FER: variants seen among roughly 807,000 people sequenced by gnomAD.
FER encodes the protein FER tyrosine kinase.
Under a neutral mutation model 111.0 loss-of-function variants are expected in FER, and 63 were observed. The ratio of observed to expected loss-of-function variants is 0.57; its 90% CI spans 0.46 to 0.70. The LOEUF (loss-of-function observed/expected upper bound fraction) is 0.70, where lower values mean the gene tolerates loss of function less well. FER is among the 30% of genes least tolerant of loss of function. The pLI, the probability that FER is intolerant of heterozygous loss-of-function variation, is 0.00. For synonymous variants in FER, 327 were observed against 313.9 expected, an observed-to-expected ratio of 1.04 and a Z score of -0.44; for missense variants, 914 against 954.0, an observed-to-expected ratio of 0.96 and a Z score of 0.55.
At chr5:108,833,888 A>T (rs1048431769) in intron 4 of FER, among the ~76,000 whole-genome samples, 4 of 152,098 alleles carry the variant, frequency 2.6e-5, no homozygotes, top group African/African-American at 9.7e-5. Context: ...AAAAAAAAAA[A>T]ATGTAACTAC....
intron 3 of FER, among the ~76,000 whole-genome samples, chr5:108,816,348 C>T (rs756912616): frequency 6.6e-6 from 1 of 152,164 alleles, no homozygotes; most frequent in Non-Finnish European, 1.5e-5. Flanking sequence ...CACACTCATC[C>T]ACATGTGGCA....
chr5:108,749,541 C>T (rs1750213628), intron 1 of FER, among the ~76,000 whole-genome samples: 1 of 152,208 alleles, frequency 6.6e-6, no homozygotes, highest in South Asian at 2.1e-4. Context: ...CCATCCCTTC[C>T]TGCTTCTGGA....
intron 2 of FER, among the ~76,000 whole-genome samples, chr5:108,792,512 T>G (rs1363335925): frequency 6.6e-6 from 1 of 151,898 alleles, no homozygotes; most frequent in Admixed American, 6.6e-5. Flanking sequence ...TAATTTTGTA[T>G]TTTTAGTAGA....
chr5:108,906,762 A>G (rs1488470386), intron 10 of FER, among the ~76,000 whole-genome samples: 1 of 151,714 alleles, frequency 6.6e-6, no homozygotes, highest in Non-Finnish European at 1.5e-5. Context: ...TACTAAAATA[A>G]TATATATATA....
At chr5:108,965,539 C>T (rs1488772071) in intron 13 of FER, among the ~76,000 whole-genome samples, 1 of 152,032 alleles carries the variant, frequency 6.6e-6, no homozygotes, top group East Asian at 1.9e-4. Flanking sequence ...ATCTTTTCAA[C>T]AACTGTGAAT....
At chr5:108,958,173 AC>A (rs1202259007) in intron 12 of FER, among the ~76,000 whole-genome samples, 3 of 151,824 alleles carry the variant, frequency 2.0e-5, no homozygotes, top group Non-Finnish European at 4.4e-5. Context: ...AAATTTTGAT[AC>A]ATTCAATCTT....
At chr5:109,162,899 G>A (rs1256566020) in intron 17 of FER, among the ~76,000 whole-genome samples, 1 of 151,878 alleles carries the variant, frequency 6.6e-6, no homozygotes, top group Non-Finnish European at 1.5e-5. Flanking sequence ...CCAATTTTAA[G>A]GTACAGTTTG....
intron 11 of FER, among the ~76,000 whole-genome samples, chr5:108,946,685 A>G (rs1247587744): frequency 6.6e-6 from 1 of 152,074 alleles, no homozygotes; most frequent in Non-Finnish European, 1.5e-5. Context: ...TAGATTAATC[A>G]TTGAAATGTG....
At chr5:108,866,443 G>A (rs1764071035) in intron 5 of FER, among the ~76,000 whole-genome samples, 1 of 152,130 alleles carries the variant, frequency 6.6e-6, no homozygotes, top group Admixed American at 6.5e-5. Context: ...TGTGGGATGG[G>A]GGGAAGGGGG....
intron 1 of FER, chr5:108,748,714 C>A (rs537615888): frequency 6.6e-6 from 1 of 152,420 alleles, no homozygotes; most frequent in African/African-American, 2.4e-5. Context: ...CGTGCGCCCA[C>A]CCAGCCTAGG....
chr5:108,758,511 A>T (rs569945001), intron 1 of FER, among the ~76,000 whole-genome samples: 4 of 152,308 alleles, frequency 2.6e-5, no homozygotes, highest in East Asian at 3.9e-4. Flanking sequence ...ATAGACCCTC[A>T]TGTAGGCCTT....
At chr5:109,098,300 C>T (rs921816114) in intron 16 of FER, among the ~76,000 whole-genome samples, 1 of 151,554 alleles carries the variant, frequency 6.6e-6, no homozygotes, top group Admixed American at 6.6e-5. Flanking sequence ...TGTTGAATAA[C>T]AAATGTGTGT....
intron 17 of FER, among the ~76,000 whole-genome samples, chr5:109,136,423 G>C (rs1229577341): frequency 1.3e-5 from 2 of 152,120 alleles, no homozygotes; most frequent in African/African-American, 4.8e-5. Flanking sequence ...AGTCCTTTCT[G>C]GTTTTATGTT....
In FER at chr5:108,868,810, A is replaced by C. The variant is rs543557588; in HGVS notation, c.665+860A>C. ...AATGCAGGTTCTTGCATTGTACTTA[A>C]TTTATCTGTAATTACATAAATTAGC... On this transcript the variant is annotated intron_variant, in intron 6 of 19. Transcript: ENST00000281092. Among the ~76,000 whole-genome samples the C allele has an allele frequency of 7.2e-5, 11 of 152,260 alleles. 1 individual carries two copies. In the South Asian group the frequency reaches 2.3e-3, roughly 32 times the overall value.
chr5:109,031,500 A>T (rs190424008), intron 13 of FER, among the ~76,000 whole-genome samples: 5 of 152,328 alleles, frequency 3.3e-5, no homozygotes, highest in Admixed American at 3.3e-4. Flanking sequence ...TTAAAAAAAA[A>T]TTAAAGGGTT....
At chr5:108,766,105 A>AT (rs1438679437) in intron 1 of FER, among the ~76,000 whole-genome samples, 15 of 151,964 alleles carry the variant, frequency 9.9e-5, no homozygotes, top group East Asian at 1.9e-4. Flanking sequence ...AATTTATATA[A>AT]TTTTTTTGTA....
At chr5:109,092,284 CAAAAAAAAA>C (rs70999914) in intron 16 of FER, among the ~76,000 whole-genome samples, 7 of 40,422 alleles carry the variant, frequency 1.7e-4, no homozygotes, top group East Asian at 2.4e-3. Context: ...CTTATGATGG[CAAAAAAAAA>C]AAAAAAAAAA....
intron 16 of FER, among the ~76,000 whole-genome samples, chr5:109,050,702 T>A (rs1220911012): frequency 2.0e-5 from 3 of 152,206 alleles, no homozygotes; most frequent in African/African-American, 7.2e-5. Context: ...TGGAAAATCT[T>A]ATTCTGTGGG....
intron 9 of FER, 126 bp downstream of exon 9, chr5:108,883,644 TTTGTA>T (rs1251169594): frequency 2.6e-6 from 2 of 773,336 alleles, no homozygotes; most frequent in Non-Finnish European, 3.7e-6. Context: ...AGTATGAAGT[TTTGTA>T]TAGTTAATTT....
Sources: allele counts gnomAD v4.1 joint callset (sites outside exome capture counted in the v4.1 genomes callset), GRCh38; gene constraint gnomAD v4.1.1; transcripts MANE v1.5; gene names NCBI Gene and HGNC (gene_info 2026-07-23, HGNC 2026-07-21).